Variants in BAZ2B observed in about 807,000 individuals in gnomAD.
The protein encoded by BAZ2B is bromodomain adjacent to zinc finger domain protein 2B.
BAZ2B carries 91 observed loss-of-function variants against 246.0 expected under a neutral mutation model. The ratio of observed to expected loss-of-function variants is 0.37; its 90% CI spans 0.31 to 0.44. The LOEUF is 0.44. Ranked by LOEUF, BAZ2B falls within the 20% of genes least tolerant of loss-of-function variation. The pLI is 1.00. For missense variants in BAZ2B, 2,332 were observed against 2,533.7 expected, an observed-to-expected ratio of 0.92 and a Z score of 1.71; for synonymous variants, 855 against 860.0, an observed-to-expected ratio of 0.99 and a Z score of 0.10.
At chr2:159,682,405 C>T in the BAZ2B span, among the ~76,000 whole-genome samples, 1 of 151,838 alleles carries the variant, frequency 6.6e-6, no homozygotes, top group Non-Finnish European at 1.5e-5. Flanking sequence ...TCTTGAACTC[C>T]CAGGCTCAAG....
chr2:159,374,449 T>C (rs926673895), intron 26 of BAZ2B, among the ~76,000 whole-genome samples: 3 of 152,228 alleles, frequency 2.0e-5, no homozygotes, highest in African/African-American at 7.2e-5. Flanking sequence ...TTAAGTTCAA[T>C]ATCACGTTTT....
At chr2:159,361,484 C>T (rs192552447) in intron 27 of BAZ2B, among the ~76,000 whole-genome samples, 19 of 152,246 alleles carry the variant, frequency 1.2e-4, no homozygotes, top group African/African-American at 3.9e-4. Context: ...GAAATAGGAA[C>T]GCTTTTACAC....
intron 1 of BAZ2B, among the ~76,000 whole-genome samples, chr2:159,557,835 A>C (rs2089381392): frequency 6.6e-6 from 1 of 152,232 alleles, no homozygotes; most frequent in Admixed American, 6.5e-5. Context: ...AAAACTCTTC[A>C]AGAATTACTA....
At chr2:159,386,671 GT>G (rs879258048) in intron 21 of BAZ2B, 64 bp from the exon 22 acceptor site, 2 of 1,462,098 alleles carry the variant, frequency 1.4e-6, no homozygotes, top group Non-Finnish European at 1.8e-6. Flanking sequence ...CCATGATTTC[GT>G]ATCTTCTAAA....
chr2:159,355,868 C>T (rs1396124982), intron 27 of BAZ2B, among the ~76,000 whole-genome samples: 1 of 152,178 alleles, frequency 6.6e-6, no homozygotes, highest in Non-Finnish European at 1.5e-5. Flanking sequence ...CATTGCCTCA[C>T]CCAGGAAGTG....
intron 20 of BAZ2B, among the ~76,000 whole-genome samples, chr2:159,392,758 C>T (rs1191745863): frequency 6.6e-6 from 1 of 152,140 alleles, no homozygotes; most frequent in Non-Finnish European, 1.5e-5. Flanking sequence ...TATAAATTTG[C>T]TGAATGATTA....
At chr2:159,341,551 T>G (rs1300302258) in intron 31 of BAZ2B, among the ~76,000 whole-genome samples, 1 of 152,146 alleles carries the variant, frequency 6.6e-6, no homozygotes, top group East Asian at 1.9e-4. Context: ...GAACATTTCA[T>G]CCACCAGCTG....
rs140331663 is a variant in BAZ2B at position 159,344,583 on chromosome 2, C to T, written c.5454+2903G>A. Among the ~76,000 whole-genome samples the T allele has an allele frequency of 4.9e-3, 734 of 151,278 alleles. 3 individuals carry two copies. Among genetic ancestry groups the T allele is most frequent in the Non-Finnish European group, 8.9e-3 (606 of 67,878 alleles). ...GACATCTGCATCCCGATGTTTACTGCGGCACTATACACAATAGCCAAAATA... is the reference window on the plus strand; with the variant it reads ...GACATCTGCATCCCGATGTTTACTGTGGCACTATACACAATAGCCAAAATA... On this transcript the variant is annotated intron_variant, in intron 31 of 36. Transcript: ENST00000392783.
chr2:159,345,916 T>C (rs945352418), intron 31 of BAZ2B, among the ~76,000 whole-genome samples: 6 of 152,230 alleles, frequency 3.9e-5, no homozygotes, highest in East Asian at 3.8e-4. Context: ...TGTGCCACCA[T>C]GATAAGTTAA....
At chr2:159,490,969 C>T (rs1287908533) in intron 2 of BAZ2B, among the ~76,000 whole-genome samples, 1 of 152,128 alleles carries the variant, frequency 6.6e-6, no homozygotes, top group Non-Finnish European at 1.5e-5. Context: ...GTCTAGAATG[C>T]ATGAAAACTT....
chr2:159,692,982 A>C, the BAZ2B span, among the ~76,000 whole-genome samples: 1 of 151,802 alleles, frequency 6.6e-6, no homozygotes, highest in South Asian at 2.1e-4. Flanking sequence ...TAATTTTCAA[A>C]TTTTTTTGTA....
chr2:159,326,039 T>A, intron 34 of BAZ2B, 121 bp from the exon 35 acceptor site: 1 of 806,496 alleles, frequency 1.2e-6, no homozygotes. Flanking sequence ...ATCTAGAATG[T>A]TGATAACTAT....
At chr2:159,530,304 A>C (rs1271781525) in intron 2 of BAZ2B, among the ~76,000 whole-genome samples, 2 of 152,224 alleles carry the variant, frequency 1.3e-5, no homozygotes, top group Admixed American at 1.3e-4. Context: ...AATTTTAACC[A>C]TGACTTATTA....
chr2:159,351,732 C>T (rs1397707956), intron 27 of BAZ2B, among the ~76,000 whole-genome samples: 1 of 152,090 alleles, frequency 6.6e-6, no homozygotes, highest in Non-Finnish European at 1.5e-5. Context: ...TGGTATTTCT[C>T]TTTTGTAAAT....
intron 2 of BAZ2B, among the ~76,000 whole-genome samples, chr2:159,552,369 T>C (rs1303448914): frequency 2.0e-5 from 3 of 152,224 alleles, no homozygotes; most frequent in Admixed American, 2.0e-4. Flanking sequence ...ATGTTTAGGA[T>C]ATATCACTGA....
the BAZ2B span, among the ~76,000 whole-genome samples, chr2:159,680,420 C>A: frequency 6.6e-6 from 1 of 152,082 alleles, no homozygotes; most frequent in Non-Finnish European, 1.5e-5. Context: ...GATTTATTTC[C>A]TATATTCTAA....
At chr2:159,546,002 G>A (rs2087285748) in intron 2 of BAZ2B, among the ~76,000 whole-genome samples, 1 of 152,092 alleles carries the variant, frequency 6.6e-6, no homozygotes, top group Admixed American at 6.5e-5. Context: ...TAAAAGCTAT[G>A]AATAGCACAT....
the BAZ2B span, among the ~76,000 whole-genome samples, chr2:159,648,984 G>A: frequency 2.0e-5 from 3 of 152,094 alleles, no homozygotes; most frequent in South Asian, 6.2e-4. Context: ...CAAAATGAGG[G>A]GGTAGTTTGT....
At chr2:159,429,432 G>A (rs992842326) in intron 10 of BAZ2B, among the ~76,000 whole-genome samples, 172 bp from the exon 11 acceptor site, 2 of 151,972 alleles carry the variant, frequency 1.3e-5, no homozygotes, top group African/African-American at 4.8e-5. Flanking sequence ...GTATAAGGCA[G>A]GGGGCTTTTT....
Sources: allele counts gnomAD v4.1 joint callset (sites outside exome capture counted in the v4.1 genomes callset), GRCh38; gene constraint gnomAD v4.1.1; transcripts MANE v1.5; gene names NCBI Gene and HGNC (gene_info 2026-07-23, HGNC 2026-07-21).